Variants in ARHGEF10 observed in about 807,000 individuals in gnomAD.
ARHGEF10 encodes the protein Rho guanine nucleotide exchange factor (GEF) 10.
In ARHGEF10, 140 loss-of-function variants were observed where a neutral mutation model predicts 147.4. The ratio of observed to expected loss-of-function variants is 0.95; its 90% CI spans 0.83 to 1.09. The LOEUF is 1.09. Ranked by LOEUF, ARHGEF10 falls within the 50% of genes least tolerant of loss-of-function variation. The pLI is 0.00. For synonymous variants in ARHGEF10, 902 were observed against 695.8 expected (o/e 1.30, Z -4.67); for missense variants, 2,222 against 1,752.7 (o/e 1.27, Z -4.78).
At chr8:1,869,634 A>G in intron 7 of ARHGEF10, 4 of 336,764 alleles carry the variant, frequency 1.2e-5, no homozygotes, top group Non-Finnish European at 2.3e-5. Context: ...ATTCTCTACA[A>G]TTAAAGAAAA....
intron 26 of ARHGEF10, among the ~76,000 whole-genome samples, chr8:1,934,594 A>G (rs1369994763): frequency 6.6e-6 from 1 of 152,202 alleles, no homozygotes; most frequent in Non-Finnish European, 1.5e-5. Context: ...CAGTGGGCTA[A>G]ATGGATCATT....
intron 2 of ARHGEF10, among the ~76,000 whole-genome samples, chr8:1,852,107 A>G (rs368924191): frequency 6.6e-6 from 1 of 152,128 alleles, no homozygotes; most frequent in African/African-American, 2.4e-5. Flanking sequence ...CTTAGAATTG[A>G]TAAGAATTAA....
chr8:1,860,830 G>T (rs547415184), intron 4 of ARHGEF10, among the ~76,000 whole-genome samples: 7 of 152,232 alleles, frequency 4.6e-5, no homozygotes, highest in African/African-American at 1.4e-4. Context: ...TATAGACTCA[G>T]ACTCCCTGGG....
chr8:1,834,664 C>T (rs1214930091), intron 1 of ARHGEF10, among the ~76,000 whole-genome samples: 2 of 152,260 alleles, frequency 1.3e-5, no homozygotes, highest in African/African-American at 2.4e-5. Context: ...GTGGAAAGGA[C>T]TGGCGTGTTT....
At chr8:1,925,425 CGGCCCG>C in intron 22 of ARHGEF10, 21 bp downstream of exon 22, 1 of 1,613,302 alleles carries the variant, frequency 6.2e-7, no homozygotes, top group Non-Finnish European at 8.5e-7. Context: ...GCAGGGCCCG[CGGCCCG>C]GGGTGGGACG....
At chr8:1,834,829 CAG>C (rs1803483236) in intron 1 of ARHGEF10, among the ~76,000 whole-genome samples, 1 of 152,212 alleles carries the variant, frequency 6.6e-6, no homozygotes, top group Non-Finnish European at 1.5e-5. Flanking sequence ...GCCGGGGCCA[CAG>C]GGGTTTCCTG....
At chr8:1,826,290 C>T (rs556107415) in intron 1 of ARHGEF10, among the ~76,000 whole-genome samples, 2 of 152,102 alleles carry the variant, frequency 1.3e-5, no homozygotes, top group Non-Finnish European at 2.9e-5. Context: ...CTTCTGGGTG[C>T]TTTGGTGTGC....
In ARHGEF10 at chr8:1,923,181, T is replaced by C; in HGVS notation, c.2259+102T>C. On this transcript the variant is annotated intron_variant, in intron 19 of 28. Transcript: ENST00000349830. ...GTTCTACCAGAAGTGAGAATTCATT[T>C]TGACTTTAAAAATTAATCTGAATGT... is the stretch of plus-strand genomic sequence containing the variant. 3.0e-6 allele frequency: 3 copies of C among 1,000,296 alleles called. No homozygotes were observed. In the South Asian group the frequency reaches 4.2e-5, roughly 14 times the overall value. The allele number at this position is 1,000,296 out of a possible 1,614,324, so 62.0% of individuals were successfully genotyped here.
chr8:1,862,162 C>T (rs1406180002), intron 4 of ARHGEF10, among the ~76,000 whole-genome samples: 2 of 152,246 alleles, frequency 1.3e-5, no homozygotes, highest in African/African-American at 4.8e-5. Flanking sequence ...GGTCCCCAGC[C>T]TGGCCCACAC....
Position 1,957,245 on chromosome 8 carries a change from C to A in ARHGEF10, c.4017C>A (p.Ile1339=). Residue 1339 remains isoleucine (I), a synonymous_variant, in exon 29 of 29, where the codon ATC becomes ATA. Transcript: ENST00000349830. ...CGCCGACCGTCATGGTCTGGCAGAT[C>A]CCTCTGCTGAATATATAAGCAGGAC... ...ELAPTVMVWQ[I]PLLNI The A allele has an allele frequency of 1.2e-6, 2 of 1,611,020 alleles. No individual in the cohort carries two copies. The highest frequency in any genetic ancestry group is 1.7e-6 in the Non-Finnish European group (2 of 1,179,784).
At chr8:1,850,340 A>ATG (rs1805020673) in intron 2 of ARHGEF10, among the ~76,000 whole-genome samples, 1 of 146,030 alleles carries the variant, frequency 6.8e-6, no homozygotes, top group East Asian at 2.1e-4. Context: ...CCGTGTGGAC[A>ATG]GACGGCAAAT....
At chr8:1,956,694 T>A in intron 28 of ARHGEF10, 55 bp from the exon 29 acceptor site, 1 of 1,610,952 alleles carries the variant, frequency 6.2e-7, no homozygotes, top group South Asian at 1.1e-5. Context: ...TTTGCTTCCT[T>A]GTCTCAAATT....
intron 2 of ARHGEF10, among the ~76,000 whole-genome samples, chr8:1,846,911 C>T (rs1389183185): frequency 3.9e-5 from 6 of 152,116 alleles, no homozygotes. Flanking sequence ...GTTTTTATAC[C>T]GCGTTAACAT....
chr8:1,830,000 G>A (rs1242106844), intron 1 of ARHGEF10, among the ~76,000 whole-genome samples: 3 of 152,174 alleles, frequency 2.0e-5, no homozygotes, highest in Non-Finnish European at 4.4e-5. Context: ...AGAGGGTTAG[G>A]TTCTCCAGTG....
In ARHGEF10 at chr8:1,845,750, C is replaced by T. The variant is rs370297674; in HGVS notation, c.37+2314C>T. Among the ~76,000 whole-genome samples the T allele has an allele frequency of 5.3e-5, 8 of 152,292 alleles. No individual in the cohort carries two copies. The East Asian group carries it at 7.7e-4, about 15-fold the overall frequency. ...CACCACCTGGATTGCATGAAATGCC[C>T]ATCCACCCATGGTCTCCACGACCAG... On this transcript the variant is annotated intron_variant, in intron 2 of 28. Transcript: ENST00000349830.
At chr8:1,894,631 C>T (rs747590803) in intron 13 of ARHGEF10, 59 bp downstream of exon 13, 2 of 1,580,608 alleles carry the variant, frequency 1.3e-6, no homozygotes, top group Non-Finnish European at 1.7e-6. Context: ...GTCCTCTCTT[C>T]CCTTCTTAGG....
intron 2 of ARHGEF10, among the ~76,000 whole-genome samples, chr8:1,849,245 G>A (rs1173038090): frequency 6.6e-6 from 1 of 152,168 alleles, no homozygotes; most frequent in African/African-American, 2.4e-5. Context: ...CGGCTGCGGG[G>A]ACACAGACGG....
intron 1 of ARHGEF10, among the ~76,000 whole-genome samples, chr8:1,828,864 C>G (rs891763177): frequency 1.3e-5 from 2 of 151,870 alleles, no homozygotes; most frequent in Non-Finnish European, 2.9e-5. Flanking sequence ...GGCATGCGCA[C>G]TTACTGTTTT....
At chr8:1,917,128 G>T (rs1018265829) in intron 18 of ARHGEF10, among the ~76,000 whole-genome samples, 5 of 152,170 alleles carry the variant, frequency 3.3e-5, no homozygotes, top group Non-Finnish European at 7.3e-5. Flanking sequence ...TTACACATTA[G>T]TCTGATAATT....
Sources: gnomAD v4.1 joint callset for allele counts (sites outside exome capture counted in the v4.1 genomes callset) on GRCh38, gnomAD v4.1.1 for gene constraint, MANE v1.5 for transcripts, NCBI Gene and HGNC (gene_info 2026-07-23, HGNC 2026-07-21) for gene names.